Variants in PDE4D observed in about 807,000 individuals in gnomAD.
PDE4D encodes the protein phosphodiesterase 4D.
A neutral mutation model predicts 87.4 loss-of-function variants in PDE4D; 24 were observed. The observed-to-expected ratio is 0.27, with a 90% CI of 0.20 to 0.39. The LOEUF is 0.39. PDE4D is among the 10% of genes least tolerant of loss of function. PDE4D has a pLI of 1.00. For synonymous variants in PDE4D, 384 were observed against 383.2 expected, an observed-to-expected ratio of 1.00 and a Z score of -0.02; for missense variants, 714 against 1,041.0, an observed-to-expected ratio of 0.69 and a Z score of 4.32.
chr5:59,337,831 T>C (rs1158612437), intron 1 of PDE4D, among the ~76,000 whole-genome samples: 1 of 152,140 alleles, frequency 6.6e-6, no homozygotes, highest in Non-Finnish European at 1.5e-5. Flanking sequence ...TGAATGGGCA[T>C]GGGGACATTT....
rs1580010460 is a variant in PDE4D at position 58,974,535 on chromosome 5, G to T, written c.*129C>A. ...CCTGAGCGCTGGACTGAGTAGTCAA[G>T]GTCAGTTTTGTTCAACAAACGTCCT... On this transcript the variant is annotated 3_prime_UTR_variant, in exon 15 of 15. Coordinates refer to ENST00000340635, the MANE Select transcript of PDE4D (RefSeq NM_001104631.2). 2.7e-5 allele frequency: 22 copies of T among 824,112 alleles called. 1 individual carries two copies. The South Asian group carries it at 4.4e-4, about 16-fold the overall frequency. 51.0% of individuals were successfully genotyped at this position (824,112 alleles called of 1,614,324 possible). A position where few individuals can be genotyped will look rare whatever the true frequency, so the allele number is the denominator to read the frequency against.
At chr5:60,479,483 G>C (rs533724653) in intron 1 of PDE4D, among the ~76,000 whole-genome samples, 1 of 152,272 alleles carries the variant, frequency 6.6e-6, no homozygotes, top group East Asian at 1.9e-4. Flanking sequence ...ACATTTAAGG[G>C]ATGTGGTGCT....
chr5:60,244,762 A>T (rs1747527291), intron 1 of PDE4D, among the ~76,000 whole-genome samples: 1 of 151,976 alleles, frequency 6.6e-6, no homozygotes, highest in Non-Finnish European at 1.5e-5. Flanking sequence ...AAAGAGTGAA[A>T]CCCAATCCCT....
intron 2 of PDE4D, among the ~76,000 whole-genome samples, chr5:60,146,116 A>C (rs1308686445): frequency 6.6e-6 from 1 of 152,228 alleles, no homozygotes; most frequent in Non-Finnish European, 1.5e-5. Context: ...CAGGAGGCTG[A>C]GACATGAGAA....
chr5:60,348,247 A>G (rs964019575), intron 1 of PDE4D, among the ~76,000 whole-genome samples: 4 of 152,112 alleles, frequency 2.6e-5, no homozygotes, highest in African/African-American at 9.7e-5. Flanking sequence ...CCTGGGGAGC[A>G]ACACTCAGCA....
chr5:59,734,576 G>A (rs546938485), intron 1 of PDE4D, among the ~76,000 whole-genome samples: 6 of 152,118 alleles, frequency 3.9e-5, no homozygotes, highest in African/African-American at 1.4e-4. Flanking sequence ...AAAGTAAAGT[G>A]GGTTTTTTTG....
At chr5:59,931,241 C>T (rs969698229) in intron 3 of PDE4D, among the ~76,000 whole-genome samples, 3 of 152,126 alleles carry the variant, frequency 2.0e-5, no homozygotes, top group South Asian at 2.1e-4. Flanking sequence ...TTAAATTATG[C>T]TTATGACCAT....
chr5:59,511,027 G>T lies in PDE4D; in HGVS notation c.456-295059C>A, dbSNP rs146773832. Among the ~76,000 whole-genome samples the T allele has an allele frequency of 3.4e-3, 513 of 151,968 alleles. 1 individual carries two copies. The highest frequency in any genetic ancestry group is 0.012 in the African/African-American group (492 of 41,522). On this transcript the variant is annotated intron_variant, in intron 1 of 14. Transcript: ENST00000340635. ...GATTAATAAGTAAGTTATCAAGCAG[G>T]TCTTACTCAAATAGCATCTTTTTGG...
intron 2 of PDE4D, among the ~76,000 whole-genome samples, chr5:60,120,545 G>T (rs1249963375): frequency 6.6e-6 from 1 of 152,186 alleles, no homozygotes; most frequent in Non-Finnish European, 1.5e-5. Flanking sequence ...CTGGGATAAT[G>T]ATGGGAAAGA....
chr5:59,445,388 T>C (rs548023409), intron 1 of PDE4D, among the ~76,000 whole-genome samples: 1 of 152,352 alleles, frequency 6.6e-6, no homozygotes, highest in East Asian at 1.9e-4. Context: ...TGGCTTATGG[T>C]GACATATCTG....
intron 13 of PDE4D, 62 bp downstream of exon 13, chr5:58,976,288 C>A: frequency 6.5e-7 from 1 of 1,531,262 alleles, no homozygotes; most frequent in Non-Finnish European, 8.8e-7. Flanking sequence ...AAGCTGAACA[C>A]GCAGACATGT....
At chr5:60,512,267 T>C (rs60446062) in intron 1 of PDE4D, among the ~76,000 whole-genome samples, 13,274 of 152,232 alleles carry the variant, frequency 0.087, 1,640 homozygotes, top group African/African-American at 0.28. Context: ...TTTTACATAC[T>C]TCTTTTAACT....
intron 5 of PDE4D, among the ~76,000 whole-genome samples, chr5:59,060,966 T>C (rs1170443370): frequency 6.6e-6 from 1 of 152,142 alleles, no homozygotes; most frequent in Non-Finnish European, 1.5e-5. Flanking sequence ...GCTTCCATTG[T>C]TGGGAGGCTC....
intron 1 of PDE4D, among the ~76,000 whole-genome samples, chr5:60,325,452 G>T (rs57172565): frequency 0.058 from 8,838 of 152,168 alleles, 843 homozygotes; most frequent in African/African-American, 0.2. Context: ...TGTCTTTGAT[G>T]ATTGATATTG....
intron 2 of PDE4D, among the ~76,000 whole-genome samples, chr5:60,111,853 G>A (rs1459219893): frequency 1.3e-5 from 2 of 151,746 alleles, no homozygotes; most frequent in Non-Finnish European, 2.9e-5. Context: ...CATTTGATAT[G>A]GGAATGACAA....
chr5:59,632,874 C>G (rs569356865), intron 1 of PDE4D, among the ~76,000 whole-genome samples: 2 of 152,224 alleles, frequency 1.3e-5, no homozygotes, highest in South Asian at 4.1e-4. Flanking sequence ...CAAAACTGGA[C>G]AGAAAATGAG....
intron 1 of PDE4D, among the ~76,000 whole-genome samples, chr5:59,263,711 A>C (rs1762397496): frequency 1.3e-5 from 2 of 152,006 alleles, no homozygotes; most frequent in Admixed American, 1.3e-4. Context: ...GGTGAGGGAA[A>C]CAGCCAAACA....
intron 1 of PDE4D, among the ~76,000 whole-genome samples, chr5:60,346,869 A>G (rs1051476704): frequency 5.3e-5 from 8 of 152,162 alleles, no homozygotes; most frequent in Non-Finnish European, 7.4e-5. Flanking sequence ...CAAAATTCCA[A>G]TGATGATATT....
In PDE4D at chr5:59,452,380, A is replaced by G. The variant is rs79092548; in HGVS notation, c.456-236412T>C. Among the ~76,000 whole-genome samples, 703 of 152,324 alleles carry G rather than the reference A, an allele frequency of 4.6e-3. 7 individuals are homozygous for G. The highest frequency in any genetic ancestry group is 0.016 in the African/African-American group (677 of 41,572). On this transcript the variant is annotated intron_variant, in intron 1 of 14. Coordinates refer to ENST00000340635, the MANE Select transcript of PDE4D (RefSeq NM_001104631.2). ...AAAAGTAGTGTATTTAATAGATCTG[A>G]TTCATTGCACTGGTGATGGAAGAGT...
Sources: gnomAD v4.1 joint callset for allele counts (sites outside exome capture counted in the v4.1 genomes callset) on GRCh38, gnomAD v4.1.1 for gene constraint, MANE v1.5 for transcripts, NCBI Gene and HGNC (gene_info 2026-07-23, HGNC 2026-07-21) for gene names.